SLC39A11: variants seen among roughly 807,000 people sequenced by gnomAD.
SLC39A11 encodes zinc transporter ZIP11.
Under a neutral mutation model 36.1 loss-of-function variants are expected in SLC39A11, and 33 were observed. That is an observed-to-expected ratio of 0.91 (90% CI 0.69 to 1.22). The LOEUF (loss-of-function observed/expected upper bound fraction) is 1.22. SLC39A11 is among the 50% of genes most tolerant of loss of function. SLC39A11 has a pLI of 0.00. For missense variants in SLC39A11, 432 were observed against 430.3 expected (o/e 1.00, Z -0.03); for synonymous variants, 166 against 170.3 (o/e 0.97, Z 0.20).
intron 5 of SLC39A11, among the ~76,000 whole-genome samples, chr17:72,941,010 C>T (rs1321697333): frequency 6.6e-6 from 1 of 152,104 alleles, no homozygotes; most frequent in Admixed American, 6.6e-5. Flanking sequence ...CCGACAGGCA[C>T]AGAGGAAAGA....
At chr17:73,009,354 C>CA (rs56818175) in intron 4 of SLC39A11, among the ~76,000 whole-genome samples, 4 of 92,614 alleles carry the variant, frequency 4.3e-5, no homozygotes, top group African/African-American at 1.6e-4. Context: ...GACTCCATCT[C>CA]AAAAAAAAAA....
chr17:72,812,824 T>C lies in SLC39A11; in HGVS notation c.601+36810A>G, dbSNP rs75603082. Among the ~76,000 whole-genome samples, 535 of 152,226 alleles carry C rather than the reference T, an allele frequency of 3.5e-3. 6 individuals are homozygous for C. Among genetic ancestry groups the C allele is most frequent in the African/African-American group, 0.012 (519 of 41,524 alleles). On this transcript the variant is annotated intron_variant, in intron 6 of 9. Transcript: ENST00000255559. ...ATGTCATTTAAGAAGGCATTGTGCT[T>C]GGGGGGGTTTAGTTTTCATAAGCTC...
chr17:72,671,450 G>A (rs1285803450), intron 7 of SLC39A11, among the ~76,000 whole-genome samples: 1 of 152,220 alleles, frequency 6.6e-6, no homozygotes, highest in Non-Finnish European at 1.5e-5. Context: ...GCTGGCTGCG[G>A]CAGCTCACGC....
intron 5 of SLC39A11, among the ~76,000 whole-genome samples, chr17:72,946,470 G>A (rs2085436537): frequency 1.3e-5 from 2 of 152,212 alleles, no homozygotes; most frequent in Admixed American, 6.5e-5. Flanking sequence ...TCCCTAAGGG[G>A]TAGAGATCAT....
At chr17:72,902,735 G>A (rs564095325) in intron 5 of SLC39A11, among the ~76,000 whole-genome samples, 2 of 152,244 alleles carry the variant, frequency 1.3e-5, no homozygotes, top group South Asian at 4.1e-4. Context: ...AGCTGGTGGA[G>A]GTAAACCAGG....
intron 5 of SLC39A11, among the ~76,000 whole-genome samples, chr17:72,856,974 T>C (rs2079675925): frequency 6.6e-6 from 1 of 152,142 alleles, no homozygotes; most frequent in Non-Finnish European, 1.5e-5. Flanking sequence ...AGCCACCACA[T>C]TCTTTTTTAA....
At chr17:72,768,035 TAG>T (rs1219142871) in intron 6 of SLC39A11, among the ~76,000 whole-genome samples, 2 of 152,100 alleles carry the variant, frequency 1.3e-5, no homozygotes, top group African/African-American at 4.8e-5. Context: ...GATGAAATCA[TAG>T]AGAGTCAAGG....
chr17:72,850,674 C>T (rs559255674), intron 5 of SLC39A11, among the ~76,000 whole-genome samples: 6 of 152,298 alleles, frequency 3.9e-5, no homozygotes, highest in Middle Eastern at 3.4e-3. Flanking sequence ...TAAGTTGTTT[C>T]ACCTCTCTGT....
chr17:72,834,190 GC>G (rs2145756438), intron 6 of SLC39A11, among the ~76,000 whole-genome samples: 1 of 152,314 alleles, frequency 6.6e-6, no homozygotes, highest in South Asian at 2.1e-4. Flanking sequence ...CAACACAGTA[GC>G]CACTAGATAC....
intron 3 of SLC39A11, among the ~76,000 whole-genome samples, chr17:73,043,791 G>A (rs889318248): frequency 6.6e-6 from 1 of 152,146 alleles, no homozygotes; most frequent in Non-Finnish European, 1.5e-5. Context: ...TATCAAGTCA[G>A]TCAATCAGAA....
At chr17:72,696,400 C>T (rs556050322) in intron 7 of SLC39A11, among the ~76,000 whole-genome samples, 1 of 152,234 alleles carries the variant, frequency 6.6e-6, no homozygotes. Flanking sequence ...CAAGAGGGGA[C>T]GTGGCTAATA....
chr17:72,799,182 C>A (rs189044824), intron 6 of SLC39A11, among the ~76,000 whole-genome samples: 38 of 152,244 alleles, frequency 2.5e-4, no homozygotes, highest in African/African-American at 9.1e-4. Flanking sequence ...ATTTCATGGG[C>A]ATTTATCAGT....
intron 6 of SLC39A11, among the ~76,000 whole-genome samples, chr17:72,745,050 C>T (rs2074874417): frequency 7.7e-6 from 1 of 129,342 alleles, no homozygotes; most frequent in Non-Finnish European, 1.7e-5. Context: ...CCATGTTGGC[C>T]AGGCTGGTCT....
chr17:72,969,639 C>G (rs553059849), intron 4 of SLC39A11, among the ~76,000 whole-genome samples: 19 of 151,416 alleles, frequency 1.3e-4, no homozygotes, highest in African/African-American at 4.4e-4. Flanking sequence ...TCACACACCT[C>G]TAATATTTCC....
At chr17:72,927,511 A>G (rs2084118037) in intron 5 of SLC39A11, among the ~76,000 whole-genome samples, 1 of 152,156 alleles carries the variant, frequency 6.6e-6, no homozygotes, top group Non-Finnish European at 1.5e-5. Flanking sequence ...AGAAACACTG[A>G]TGCTGCTTTA....
intron 6 of SLC39A11, among the ~76,000 whole-genome samples, chr17:72,816,858 CAG>C (rs1228202000): frequency 6.6e-6 from 1 of 152,112 alleles, no homozygotes; most frequent in Non-Finnish European, 1.5e-5. Flanking sequence ...AGATAAAGAA[CAG>C]AGTTCTTTTT....
Position 73,068,008 on chromosome 17 carries a change from A to G in SLC39A11, c.147+16800T>C, listed in dbSNP as rs2060047195. 1.3e-5 allele frequency: 20 copies of G among 1,593,778 alleles called. No individual in the cohort carries two copies. In the South Asian group the frequency reaches 2.0e-4, roughly 16 times the overall value. ...AAATAAACAACTGTTCTGAGGCCAC[A>G]AGTTTAAGAAACTTTTTGATGAAGT... On this transcript the variant is annotated intron_variant, in intron 3 of 9. Transcript: ENST00000255559.
At chr17:72,704,584 A>G (rs2072805676) in intron 7 of SLC39A11, among the ~76,000 whole-genome samples, 1 of 152,230 alleles carries the variant, frequency 6.6e-6, no homozygotes, top group Non-Finnish European at 1.5e-5. Context: ...CTATGCATAA[A>G]GTGATGCTGT....
intron 7 of SLC39A11, among the ~76,000 whole-genome samples, chr17:72,664,618 C>A (rs1390316739): frequency 1.3e-5 from 2 of 152,186 alleles, no homozygotes; most frequent in Non-Finnish European, 2.9e-5. Flanking sequence ...TCCCTGCTTC[C>A]ACCTTTGCCC....
Sources: gnomAD v4.1 joint callset for allele counts (sites outside exome capture counted in the v4.1 genomes callset) on GRCh38, gnomAD v4.1.1 for gene constraint, MANE v1.5 for transcripts, NCBI Gene and HGNC (gene_info 2026-07-23, HGNC 2026-07-21) for gene names.